The following CNTRL variants were observed in gnomAD, a reference collection of about 807,000 sequenced individuals.
CNTRL encodes centriolin.
Under a neutral mutation model 303.7 loss-of-function variants are expected in CNTRL, and 233 were observed. That is an observed-to-expected ratio of 0.77 (90% CI 0.69 to 0.86). The LOEUF (loss-of-function observed/expected upper bound fraction) is 0.86, where lower values mean the gene tolerates loss of function less well. CNTRL is among the 40% of genes least tolerant of loss of function. The pLI, the probability that CNTRL is intolerant of heterozygous loss-of-function variation, is 0.00. For synonymous variants in CNTRL, 900 were observed against 922.2 expected (o/e 0.98, Z 0.44); for missense variants, 2,524 against 2,650.6 (o/e 0.95, Z 1.05).
chr9:121,093,072 G>A (rs1329294989), intron 4 of CNTRL, among the ~76,000 whole-genome samples: 1 of 151,560 alleles, frequency 6.6e-6, no homozygotes, highest in Admixed American at 6.6e-5. Context: ...TTCCCAAAGT[G>A]TTGGGATTAC....
chr9:121,096,284 C>T, intron 5 of CNTRL, 138 bp from the exon 6 acceptor site: 2 of 595,984 alleles, frequency 3.4e-6, no homozygotes, highest in Non-Finnish European at 4.9e-6. Context: ...TTTCTTTGTT[C>T]TCATTTATGA....
chr9:121,150,105 C>A, intron 24 of CNTRL, 65 bp from the exon 25 acceptor site: 1 of 1,331,822 alleles, frequency 7.5e-7, no homozygotes, highest in Non-Finnish European at 1.0e-6. Flanking sequence ...AATTTGTTTA[C>A]CTGGTAAACC....
At position 121,144,092 on chromosome 9, in the gene CNTRL, C is replaced by T; in HGVS notation, c.3051+10C>T. The T allele has an allele frequency of 6.3e-7, 1 of 1,595,846 alleles. No homozygotes were observed. Among genetic ancestry groups the T allele is most frequent in the Non-Finnish European group, 8.5e-7 (1 of 1,173,456 alleles). ...CCAGGAGCGAGCAGAGGTGAGTTCA[C>T]ATGTACAGAACAGGTTTCCATCAAT... On this transcript the variant is annotated intron_variant, in intron 20 of 43. Coordinates refer to ENST00000373855, the MANE Select transcript of CNTRL (RefSeq NM_007018.6).
At chr9:121,152,367 C>T in intron 25 of CNTRL, 118 bp from the exon 26 acceptor site, 1 of 718,238 alleles carries the variant, frequency 1.4e-6, no homozygotes, top group Non-Finnish European at 2.4e-6. Context: ...TAGAATCTAC[C>T]ATCATTTTTT....
rs2053174355 is a variant in CNTRL, at chr9:121,168,346, G to A, written c.6070+25G>A. On this transcript the variant is annotated intron_variant, in intron 38 of 43. Transcript: ENST00000373855. ...AGTATGTATTCTGGAACTTCTCACT[G>A]GGAGATGGGGTATGGATTGGCTCTG... is the stretch of plus-strand genomic sequence containing the variant. 3 of 1,594,428 alleles carry A rather than the reference G, an allele frequency of 1.9e-6. No individual in the cohort carries two copies. The East Asian group carries it at 6.7e-5, about 36-fold the overall frequency.
At chr9:121,103,639 C>T (rs910344136) in intron 7 of CNTRL, among the ~76,000 whole-genome samples, 2 of 152,158 alleles carry the variant, frequency 1.3e-5, no homozygotes, top group African/African-American at 2.4e-5. Flanking sequence ...AAAATTTTTG[C>T]AATGCACCCA....
chr9:121,077,978 C>T (rs2047994986), intron 1 of CNTRL, among the ~76,000 whole-genome samples: 2 of 152,048 alleles, frequency 1.3e-5, no homozygotes, highest in Non-Finnish European at 2.9e-5. Flanking sequence ...ACGTACTATA[C>T]ATACTATAAT....
intron 14 of CNTRL, among the ~76,000 whole-genome samples, chr9:121,133,725 C>T (rs1380760454): frequency 6.6e-6 from 1 of 152,208 alleles, no homozygotes; most frequent in Non-Finnish European, 1.5e-5. Context: ...AATCACCCGT[C>T]GTCTGCGTCG....
chr9:121,077,969 C>T (rs372782558), intron 1 of CNTRL, among the ~76,000 whole-genome samples: 47 of 152,102 alleles, frequency 3.1e-4, no homozygotes, highest in African/African-American at 1.0e-3. Flanking sequence ...ACGCCAACTA[C>T]GTACTATACA....
intron 2 of CNTRL, 63 bp from the exon 3 acceptor site, chr9:121,088,233 G>T (rs2048423379): frequency 1.3e-6 from 1 of 795,676 alleles, no homozygotes; most frequent in South Asian, 1.7e-5. Context: ...GAAGGTTCTA[G>T]AAAGAATAGT....
At chr9:121,139,450 A>G (rs2051382819) in intron 16 of CNTRL, among the ~76,000 whole-genome samples, 1 of 152,166 alleles carries the variant, frequency 6.6e-6, no homozygotes, top group Non-Finnish European at 1.5e-5. Context: ...ATTTGAGAGA[A>G]ATAAGACTAA....
At chr9:121,105,765 A>C (rs553391615) in intron 7 of CNTRL, among the ~76,000 whole-genome samples, 1 of 152,350 alleles carries the variant, frequency 6.6e-6, no homozygotes, top group African/African-American at 2.4e-5. Flanking sequence ...GATTGGCAAC[A>C]GGTGATAATG....
chr9:121,096,001 A>G (rs1028032145), intron 5 of CNTRL, among the ~76,000 whole-genome samples: 2 of 152,194 alleles, frequency 1.3e-5, no homozygotes, highest in African/African-American at 2.4e-5. Flanking sequence ...TCCTGCTGGC[A>G]TAGCTAATCT....
At chr9:121,168,024 T>A in intron 37 of CNTRL, 72 bp from the exon 38 acceptor site, 1 of 1,295,876 alleles carries the variant, frequency 7.7e-7, no homozygotes, top group Non-Finnish European at 1.1e-6. Context: ...CTGGAATCTG[T>A]CTCATGTCCA....
intron 14 of CNTRL, among the ~76,000 whole-genome samples, chr9:121,126,225 A>G (rs1028371052): frequency 6.6e-6 from 1 of 152,248 alleles, no homozygotes; most frequent in African/African-American, 2.4e-5. Context: ...GGTAGCTATT[A>G]CAAATATTGT....
At position 121,167,992 on chromosome 9, in the gene CNTRL, C is replaced by A; in HGVS notation, c.5845-104C>A. ...TCTGTAATGGAATTGTCCCTGTGGG[C>A]TGTCTTCTACTTTCTTTTGACCTGG... On this transcript the variant is annotated intron_variant, in intron 37 of 43. Transcript: ENST00000373855. 3 of 960,156 alleles carry A rather than the reference C, an allele frequency of 3.1e-6. No homozygotes were observed. In the Admixed American group the frequency reaches 7.1e-5, roughly 23 times the overall value. 59.5% of individuals were successfully genotyped at this position (960,156 alleles called of 1,614,324 possible). A position where few individuals can be genotyped will look rare whatever the true frequency, so the allele number is the denominator to read the frequency against.
In CNTRL at chr9:121,157,821, A is replaced by G. The variant is rs2052652391; in HGVS notation, c.4578A>G (p.Val1526=). 1 of 1,614,116 alleles carries G rather than the reference A, an allele frequency of 6.2e-7. No homozygotes were observed. The highest frequency in any genetic ancestry group is 1.3e-5 in the African/African-American group (1 of 74,942). The change falls in exon 29 of 44, where the codon GTA becomes GTG. Residue 1526 remains valine (V), a synonymous_variant. Coordinates refer to ENST00000373855, the MANE Select transcript of CNTRL (RefSeq NM_007018.6). ...EEILKEINKI[V]AAKDSDFQCL... ...TCTTGAAAGAAATAAACAAAATTGT[A>G]GCAGCAAAAGACTCAGACTTCCAAT...
chr9:121,161,865 A>G lies in CNTRL; in HGVS notation c.5099A>G (p.Asn1700Ser), dbSNP rs1425283169. The change falls in exon 33 of 44, where the codon AAT becomes AGT. Residue 1700 changes from asparagine to serine, a missense_variant. Asn to Ser is a conservative substitution (Grantham distance 46). Transcript: ENST00000373855. ...QMSKHKTELK[N>S]ILDMLQLENH... Reference sequence around the variant, plus strand: ...TGTTTCTATCCCTTAGAACTAAAGAATATTCTGGACATGTTGCAACTTGAA... The same window carrying G: ...TGTTTCTATCCCTTAGAACTAAAGAGTATTCTGGACATGTTGCAACTTGAA... 6.2e-7 allele frequency: 1 copy of G among 1,612,512 alleles called. No homozygotes were observed. Among genetic ancestry groups the G allele is most frequent in the Non-Finnish European group, 8.5e-7 (1 of 1,178,536 alleles).
chr9:121,173,089 T>A (rs546558910), intron 40 of CNTRL, among the ~76,000 whole-genome samples, 154 bp from the exon 41 acceptor site: 2 of 152,322 alleles, frequency 1.3e-5, no homozygotes, highest in East Asian at 3.9e-4. Flanking sequence ...GCTTATAGAG[T>A]CTTGAGTATC....
Sources: allele counts gnomAD v4.1 joint callset (sites outside exome capture counted in the v4.1 genomes callset), GRCh38; gene constraint gnomAD v4.1.1; transcripts MANE v1.5; gene names NCBI Gene and HGNC (gene_info 2026-07-23, HGNC 2026-07-21).